Variants in SLC35F4 observed in about 807,000 individuals in gnomAD.
SLC35F4 encodes solute carrier family 35 member F4.
Under a neutral mutation model 44.2 loss-of-function variants are expected in SLC35F4, and 24 were observed. The ratio of observed to expected loss-of-function variants is 0.54; its 90% confidence interval spans 0.39 to 0.76. SLC35F4 has a LOEUF of 0.76. SLC35F4 is among the 30% of genes least tolerant of loss of function. The pLI is 0.00. For synonymous variants in SLC35F4, 238 were observed against 223.6 expected (o/e 1.06, Z -0.57); for missense variants, 562 against 586.1 (o/e 0.96, Z 0.42).
chr14:57,674,566 T>C (rs2074628219), intron 1 of SLC35F4, among the ~76,000 whole-genome samples: 2 of 152,102 alleles, frequency 1.3e-5, no homozygotes. Context: ...ACAATGTGGG[T>C]GGATCTCAGA....
chr14:57,740,934 T>C (rs2076590407), intron 1 of SLC35F4, among the ~76,000 whole-genome samples: 1 of 152,140 alleles, frequency 6.6e-6, no homozygotes. Context: ...GAAGCTGCTG[T>C]TGTGCAGCCT....
At position 57,564,201 on chromosome 14, in the gene SLC35F4, A is replaced by G. The variant is rs1226986137; in HGVS notation, c.1392T>C (p.Thr464=). ...KKSEEHVDDV[T]DPSIHLRGRG... ...TGCCCCGCAGGTGTATGCTGGGATCAGTCACATCATCCACATGCTCCTCAC... is the reference window on the plus strand; with the variant it reads ...TGCCCCGCAGGTGTATGCTGGGATCGGTCACATCATCCACATGCTCCTCAC... Residue 464 remains threonine (T), a synonymous_variant, in exon 8 of 8, where the codon ACT becomes ACC. Coordinates refer to ENST00000556826, the MANE Select transcript of SLC35F4 (RefSeq NM_001306087.2). 6.2e-7 allele frequency: 1 copy of G among 1,613,586 alleles called. No individual in the cohort carries two copies. Among genetic ancestry groups the G allele is most frequent in the African/African-American group, 1.3e-5 (1 of 74,920 alleles).
Position 57,564,082 on chromosome 14 carries a change from T to G in SLC35F4, c.*53A>C. ...TTTGAGTGTACAGGTAGTGAGAAAA[T>G]TTTGTTATATTCACAGAATATACAT... On this transcript the variant is annotated 3_prime_UTR_variant, in exon 8 of 8. Transcript: ENST00000556826. 6.3e-7 allele frequency: 1 copy of G among 1,594,224 alleles called. No individual in the cohort carries two copies. The highest frequency in any genetic ancestry group is 8.6e-7 in the Non-Finnish European group (1 of 1,167,210).
At chr14:57,593,847 T>A in intron 2 of SLC35F4, 92 bp downstream of exon 2, 1 of 1,403,892 alleles carries the variant, frequency 7.1e-7, no homozygotes, top group Non-Finnish European at 9.8e-7. Flanking sequence ...AGAGTCCGTG[T>A]AACATCTCTG....
At chr14:57,596,477 A>T in intron 1 of SLC35F4, 1 of 324,276 alleles carries the variant, frequency 3.1e-6, no homozygotes, top group South Asian at 2.6e-5. Flanking sequence ...GCTGATGCTC[A>T]GATACTCCAA....
chr14:57,866,042 C>T lies in SLC35F4; in HGVS notation c.-217G>A, dbSNP rs967224133. The T allele has an allele frequency of 1.5e-4, 44 of 300,986 alleles. No individual in the cohort carries two copies. The highest frequency in any genetic ancestry group is 8.7e-4 in the African/African-American group (39 of 44,748). The allele number at this position is 300,986 out of a possible 1,614,324, so 18.6% of individuals were successfully genotyped here. A position where few individuals can be genotyped will look rare whatever the true frequency, so the allele number is the denominator to read the frequency against. ...CGGCCCCCACTCGGGCCGGCCTCTC[C>T]GTCAGCCTGGCAGCTCTCCCGCGCG... On this transcript the variant is annotated 5_prime_UTR_variant, in exon 1 of 8. Coordinates refer to ENST00000556826, the MANE Select transcript of SLC35F4 (RefSeq NM_001306087.2).
intron 1 of SLC35F4, among the ~76,000 whole-genome samples, chr14:57,735,377 G>A (rs2076437793): frequency 6.6e-6 from 1 of 152,206 alleles, no homozygotes; most frequent in Non-Finnish European, 1.5e-5. Flanking sequence ...AATTCTGCAG[G>A]TTGGTGGAGC....
At chr14:57,698,027 T>G (rs1046879380) in intron 1 of SLC35F4, among the ~76,000 whole-genome samples, 1 of 152,174 alleles carries the variant, frequency 6.6e-6, no homozygotes, top group Admixed American at 6.5e-5. Context: ...CTTAAATTGT[T>G]TGTGCTTCAG....
intron 1 of SLC35F4, among the ~76,000 whole-genome samples, chr14:57,775,934 A>G (rs937779275): frequency 3.9e-5 from 6 of 152,220 alleles, no homozygotes; most frequent in Non-Finnish European, 7.3e-5. Context: ...TACAGACAAA[A>G]TAGCCAGTGT....
intron 1 of SLC35F4, among the ~76,000 whole-genome samples, chr14:57,827,238 C>T (rs1883881041): frequency 6.6e-6 from 1 of 152,110 alleles, no homozygotes; most frequent in African/African-American, 2.4e-5. Flanking sequence ...AGCCATTATC[C>T]TCAGCAAACA....
At chr14:57,793,990 G>T (rs994064438) in intron 1 of SLC35F4, among the ~76,000 whole-genome samples, 4 of 152,052 alleles carry the variant, frequency 2.6e-5, no homozygotes, top group African/African-American at 9.7e-5. Context: ...AAATGGTGCT[G>T]GGAAAATTGT....
chr14:57,568,933 C>T (rs1359764697), intron 6 of SLC35F4, among the ~76,000 whole-genome samples: 1 of 152,128 alleles, frequency 6.6e-6, no homozygotes, highest in African/African-American at 2.4e-5. Flanking sequence ...TGTTTTTTAA[C>T]TGCTTGGTGA....
At position 57,880,492 on chromosome 14, in the gene SLC35F4, G is replaced by C. The variant is rs75973111; in HGVS notation, n.282+101421C>G. Among the ~76,000 whole-genome samples, 685 of 152,222 alleles carry C rather than the reference G, an allele frequency of 4.5e-3. 6 individuals carry two copies. The highest frequency in any genetic ancestry group is 0.016 in the African/African-American group (659 of 41,538). ...GGCAGTGCTTTTACCAGGAATTCTTGATACCAGATTGAAGTTAATATTTCT... is the reference window on the plus strand; with the variant it reads ...GGCAGTGCTTTTACCAGGAATTCTTCATACCAGATTGAAGTTAATATTTCT... On this transcript the variant is annotated intron_variant and non_coding_transcript_variant, in intron 1 of 1. Transcript: ENST00000556568.
chr14:57,792,670 C>T (rs2077953317), intron 1 of SLC35F4, among the ~76,000 whole-genome samples: 2 of 152,116 alleles, frequency 1.3e-5, no homozygotes, highest in Admixed American at 1.3e-4. Context: ...AGTGAAGTCA[C>T]TCAGATATGG....
intron 3 of SLC35F4, among the ~76,000 whole-genome samples, chr14:57,581,876 G>T (rs1300632405): frequency 6.6e-6 from 1 of 152,138 alleles, no homozygotes; most frequent in African/African-American, 2.4e-5. Context: ...CATCTGTGCA[G>T]CACACATGTT....
chr14:57,982,530 G>T (rs567515385), upstream of SLC35F4, among the ~76,000 whole-genome samples: 2 of 152,110 alleles, frequency 1.3e-5, no homozygotes, highest in African/African-American at 4.8e-5. Context: ...AGCCAAGAGG[G>T]GGAATATGAG....
At position 57,821,761 on chromosome 14, in the gene SLC35F4, G is replaced by T. The variant is rs150556960; in HGVS notation, c.103+43962C>A. Among the ~76,000 whole-genome samples, 686 of 152,262 alleles carry T rather than the reference G, an allele frequency of 4.5e-3. 2 individuals are homozygous for T. The highest frequency in any genetic ancestry group is 6.8e-3 in the Middle Eastern group (2 of 294). On this transcript the variant is annotated intron_variant, in intron 1 of 7. Coordinates refer to ENST00000556826, the MANE Select transcript of SLC35F4 (RefSeq NM_001306087.2). ...TCTAGTAAGTTGAAAGCCTGGTGCT[G>T]GTCTAAGCAACCAGGTGACCTCCAT... is the stretch of plus-strand genomic sequence containing the variant.
chr14:57,763,976 C>A (rs2140640698), intron 1 of SLC35F4, among the ~76,000 whole-genome samples: 1 of 152,278 alleles, frequency 6.6e-6, no homozygotes, highest in African/African-American at 2.4e-5. Flanking sequence ...AGAAACCTTG[C>A]AACTTCATCT....
intron 1 of SLC35F4, among the ~76,000 whole-genome samples, chr14:57,703,105 G>T (rs1209699645): frequency 6.6e-6 from 1 of 152,116 alleles, no homozygotes; most frequent in African/African-American, 2.4e-5. Context: ...TAGAACTTTA[G>T]AGTCAAGCAG....
Sources: gnomAD v4.1 joint callset for allele counts (sites outside exome capture counted in the v4.1 genomes callset) on GRCh38, gnomAD v4.1.1 for gene constraint, MANE v1.5 for transcripts, NCBI Gene and HGNC (gene_info 2026-07-23, HGNC 2026-07-21) for gene names.